The following ZBTB20 variants were observed in gnomAD, a reference collection of about 807,000 sequenced individuals.
The protein encoded by ZBTB20 is zinc finger and BTB domain-containing protein 20.
In ZBTB20, 9 loss-of-function variants were observed where a neutral mutation model predicts 56.9. That is an observed-to-expected ratio of 0.16 (90% CI 0.10 to 0.28). ZBTB20 has a LOEUF of 0.28. ZBTB20 is among the 10% of genes least tolerant of loss of function. The pLI is 1.00. For synonymous variants in ZBTB20, 417 were observed against 420.7 expected (o/e 0.99, Z 0.11); for missense variants, 655 against 1,003.0 (o/e 0.65, Z 4.69).
At chr3:115,071,630 C>T (rs1030404988) in intron 1 of ZBTB20, among the ~76,000 whole-genome samples, 2 of 152,130 alleles carry the variant, frequency 1.3e-5, no homozygotes, top group Admixed American at 6.6e-5. Context: ...ATAGGATAGA[C>T]GTCAGTGAAG....
intron 3 of ZBTB20, among the ~76,000 whole-genome samples, chr3:114,972,883 A>G (rs1476659475): frequency 6.6e-6 from 1 of 152,046 alleles, no homozygotes; most frequent in African/African-American, 2.4e-5. Flanking sequence ...ATTCACACAG[A>G]CAGGTTGCTA....
chr3:114,798,470 G>A (rs573519633), intron 5 of ZBTB20, among the ~76,000 whole-genome samples: 1 of 151,962 alleles, frequency 6.6e-6, no homozygotes, highest in African/African-American at 2.4e-5. Flanking sequence ...CAAAAAATGA[G>A]CCCAAGGCAA....
intron 6 of ZBTB20, among the ~76,000 whole-genome samples, chr3:114,513,625 G>A (rs932587762): frequency 4.6e-5 from 7 of 152,114 alleles, no homozygotes; most frequent in Admixed American, 3.3e-4. Flanking sequence ...GATATTTTCT[G>A]GCAGTAAGAG....
intron 5 of ZBTB20, among the ~76,000 whole-genome samples, chr3:114,765,347 C>T (rs764616310): frequency 1.3e-5 from 2 of 152,078 alleles, no homozygotes; most frequent in African/African-American, 2.4e-5. Context: ...TCAAGTATGA[C>T]TTATGCCTGT....
At chr3:114,360,956 G>A (rs1192932207) in intron 10 of ZBTB20, among the ~76,000 whole-genome samples, 3 of 152,014 alleles carry the variant, frequency 2.0e-5, no homozygotes, top group African/African-American at 7.3e-5. Flanking sequence ...AACCTTGGGA[G>A]GTTCTGGTAA....
chr3:115,012,423 T>C (rs923222252), intron 2 of ZBTB20, among the ~76,000 whole-genome samples: 4 of 151,764 alleles, frequency 2.6e-5, no homozygotes, highest in African/African-American at 9.7e-5. Flanking sequence ...TTGCTACACT[T>C]AGACCAGGCA....
chr3:114,844,550 A>AAAAAAAC (rs1560313393), intron 4 of ZBTB20, among the ~76,000 whole-genome samples: 6 of 141,576 alleles, frequency 4.2e-5, no homozygotes, highest in African/African-American at 1.6e-4. Flanking sequence ...AAAAAAAAAA[A>AAAAAAAC]AACTTTCATT....
intron 6 of ZBTB20, among the ~76,000 whole-genome samples, chr3:114,610,726 T>G (rs2057484833): frequency 1.3e-5 from 2 of 152,144 alleles, no homozygotes; most frequent in Admixed American, 1.3e-4. Context: ...TGGTCTACTG[T>G]GGGGCATATA....
intron 6 of ZBTB20, among the ~76,000 whole-genome samples, chr3:114,603,924 A>T (rs1338830919): frequency 6.6e-6 from 1 of 151,998 alleles, no homozygotes; most frequent in Non-Finnish European, 1.5e-5. Flanking sequence ...TTGGGTAAAA[A>T]GGTACTTTTA....
intron 5 of ZBTB20, among the ~76,000 whole-genome samples, chr3:114,716,056 T>TG (rs1415014223): frequency 2.0e-5 from 3 of 152,196 alleles, no homozygotes; most frequent in Admixed American, 1.3e-4. Context: ...AGCCTGTACA[T>TG]GTCCCTTTTC....
At chr3:114,858,968 G>A (rs928677341) in intron 4 of ZBTB20, among the ~76,000 whole-genome samples, 2 of 151,962 alleles carry the variant, frequency 1.3e-5, no homozygotes, top group South Asian at 2.1e-4. Context: ...TACATTGTAT[G>A]GCTGGTATGA....
In ZBTB20 at chr3:114,743,478, A is replaced by C. The variant is rs117202191; in HGVS notation, c.-342-49903T>G. ...TGTCTATACTCTGCCACTTTACTGC[A>C]ATGACTTGAGGCCAAAAGTAAAGTG... On this transcript the variant is annotated intron_variant, in intron 5 of 11. Coordinates refer to ENST00000675478, the MANE Select transcript of ZBTB20 (RefSeq NM_001348800.3). The C allele has an allele frequency of 4.5e-5, 7 of 154,194 alleles. No individual in the cohort carries two copies. The East Asian group carries it at 1.4e-3, about 30-fold the overall frequency. 9.6% of individuals were successfully genotyped at this position (154,194 alleles called of 1,614,324 possible). A position where few individuals can be genotyped will look rare whatever the true frequency, so the allele number is the denominator to read the frequency against.
At chr3:114,875,873 C>T (rs1394403917) in intron 4 of ZBTB20, among the ~76,000 whole-genome samples, 6 of 152,160 alleles carry the variant, frequency 3.9e-5, no homozygotes, top group Non-Finnish European at 8.8e-5. Flanking sequence ...GTATTCCATT[C>T]TAGGTCCCTA....
At chr3:114,789,710 T>C (rs1265958313) in intron 5 of ZBTB20, among the ~76,000 whole-genome samples, 1 of 152,160 alleles carries the variant, frequency 6.6e-6, no homozygotes, top group East Asian at 1.9e-4. Context: ...AGAAGAGGCA[T>C]CAGTTACAAG....
At chr3:114,524,030 T>A (rs776392983) in intron 6 of ZBTB20, among the ~76,000 whole-genome samples, 20 of 152,144 alleles carry the variant, frequency 1.3e-4, no homozygotes, top group Non-Finnish European at 1.9e-4. Flanking sequence ...ATCAGTATAG[T>A]TGAGATTTGT....
intron 3 of ZBTB20, among the ~76,000 whole-genome samples, chr3:114,945,532 A>C (rs2076855612): frequency 6.9e-6 from 1 of 145,220 alleles, no homozygotes; most frequent in South Asian, 2.1e-4. Flanking sequence ...TAGGGTAACC[A>C]CTAAGAAAAA....
intron 5 of ZBTB20, among the ~76,000 whole-genome samples, chr3:114,719,199 GA>G (rs1288053159): frequency 7.1e-6 from 1 of 140,292 alleles, no homozygotes; most frequent in African/African-American, 2.6e-5. Context: ...GCAGGGGGGG[GA>G]AATAGAAGCA....
intron 7 of ZBTB20, among the ~76,000 whole-genome samples, chr3:114,410,296 A>G (rs1374468017): frequency 6.6e-6 from 1 of 151,900 alleles, no homozygotes; most frequent in South Asian, 2.1e-4. Context: ...CATTTACTTA[A>G]TTTGAAATTC....
chr3:115,092,294 A>G (rs923976907), intron 1 of ZBTB20, among the ~76,000 whole-genome samples: 1 of 152,080 alleles, frequency 6.6e-6, no homozygotes, highest in African/African-American at 2.4e-5. Context: ...TGCATCAGTT[A>G]CTTGCACAGC....
Sources: gnomAD v4.1 joint callset for allele counts (sites outside exome capture counted in the v4.1 genomes callset) on GRCh38, gnomAD v4.1.1 for gene constraint, MANE v1.5 for transcripts, NCBI Gene and HGNC (gene_info 2026-07-23, HGNC 2026-07-21) for gene names.